The following ATP10A variants were observed in gnomAD, a reference collection of about 807,000 sequenced individuals.
ATP10A encodes phospholipid-transporting ATPase VA.
A neutral mutation model predicts 147.8 loss-of-function variants in ATP10A; 111 were observed. The observed-to-expected ratio is 0.75, with a 90% CI of 0.64 to 0.88. The LOEUF (loss-of-function observed/expected upper bound fraction) is 0.88. Ranked by LOEUF, ATP10A falls within the 40% of genes least tolerant of loss-of-function variation. The pLI is 0.00. For synonymous variants in ATP10A, 875 were observed against 841.6 expected (o/e 1.04, Z -0.69); for missense variants, 1,927 against 1,959.0 (o/e 0.98, Z 0.31).
chr15:25,833,665 T>A (rs890905303), intron 1 of ATP10A, among the ~76,000 whole-genome samples: 8 of 152,184 alleles, frequency 5.3e-5, no homozygotes, highest in African/African-American at 1.9e-4. Flanking sequence ...TGGACTTAAT[T>A]TTTTTGTGCT....
chr15:25,777,789 T>TG (rs1426603713), intron 2 of ATP10A, among the ~76,000 whole-genome samples: 1 of 150,030 alleles, frequency 6.7e-6, no homozygotes, highest in Admixed American at 6.6e-5. Flanking sequence ...TTTCTTTTTT[T>TG]TTTTTTGAGA....
At chr15:25,683,221 T>C (rs918236595) in intron 17 of ATP10A, 65 bp downstream of exon 17, 8 of 1,500,690 alleles carry the variant, frequency 5.3e-6, no homozygotes, top group Non-Finnish European at 7.4e-6. Context: ...GACTGGCACT[T>C]TGGAAGAGTG....
intron 2 of ATP10A, among the ~76,000 whole-genome samples, chr15:25,744,350 ATGTG>A (rs1201585701): frequency 6.6e-6 from 1 of 152,158 alleles, no homozygotes; most frequent in Non-Finnish European, 1.5e-5. Flanking sequence ...GTGCACATGT[ATGTG>A]TGTGTGCATG....
At chr15:25,783,430 C>G (rs186614986) in intron 1 of ATP10A, among the ~76,000 whole-genome samples, 12 of 151,634 alleles carry the variant, frequency 7.9e-5, no homozygotes, top group African/African-American at 2.9e-4. Flanking sequence ...GGAAGCCACA[C>G]GCCAATTTTC....
chr15:25,803,829 G>A (rs4906776), intron 1 of ATP10A, among the ~76,000 whole-genome samples: 40,961 of 152,118 alleles, frequency 0.27, 6,505 homozygotes, highest in African/African-American at 0.44. Flanking sequence ...ACCGGGAGCC[G>A]CTGCTGCCCT....
chr15:25,799,893 C>T (rs1462653680), intron 1 of ATP10A, among the ~76,000 whole-genome samples: 1 of 152,204 alleles, frequency 6.6e-6, no homozygotes, highest in Non-Finnish European at 1.5e-5. Flanking sequence ...CAATGTATCT[C>T]TTCCTGGCCA....
intron 1 of ATP10A, among the ~76,000 whole-genome samples, chr15:25,812,527 G>A (rs2140821505): frequency 6.6e-6 from 1 of 152,336 alleles, no homozygotes; most frequent in East Asian, 1.9e-4. Context: ...TTGTTCCTGA[G>A]CTGGTAAGAA....
Position 25,713,796 on chromosome 15 carries a change from C to A in ATP10A, c.2222G>T (p.Gly741Val). 6.2e-7 allele frequency: 1 copy of A among 1,614,134 alleles called. No homozygotes were observed. The highest frequency in any genetic ancestry group is 8.5e-7 in the Non-Finnish European group (1 of 1,180,036). Reference sequence around the variant, plus strand: ...CATCCTCTTGCGGACGGAATCGAAACCCAGTGTGTGCAGGAGCTCGAAGGT... The same window carrying A: ...CATCCTCTTGCGGACGGAATCGAAAACCAGTGTGTGCAGGAGCTCGAAGGT... ...RLTFELLHTL[G>V]FDSVRKRMSV... Residue 741 changes from glycine (G) to valine (V), a missense_variant, in exon 10 of 21, where the codon GGT becomes GTT. Gly to Val is a moderately radical substitution (Grantham distance 109). Coordinates refer to ENST00000555815, the MANE Select transcript of ATP10A (RefSeq NM_024490.4).
intron 2 of ATP10A, among the ~76,000 whole-genome samples, chr15:25,756,712 A>G (rs1253951275): frequency 6.6e-6 from 1 of 152,248 alleles, no homozygotes; most frequent in Non-Finnish European, 1.5e-5. Flanking sequence ...TCTGAAAGAA[A>G]CAGAACAACT....
rs768848858 is a variant in ATP10A at position 25,721,634 on chromosome 15, G to A, written c.1363+23C>T. ...AGCTTTCTGGTTCAGCCTGGGTTGGGAGCCCCGCACCCCCAGACTCACCAT... is the reference window on the plus strand; with the variant it reads ...AGCTTTCTGGTTCAGCCTGGGTTGGAAGCCCCGCACCCCCAGACTCACCAT... On this transcript the variant is annotated intron_variant, in intron 7 of 20. Transcript: ENST00000555815. The A allele has an allele frequency of 4.4e-6, 7 of 1,603,684 alleles. No individual in the cohort carries two copies. In the Admixed American group the frequency reaches 1.0e-4, roughly 23 times the overall value.
intron 1 of ATP10A, among the ~76,000 whole-genome samples, chr15:25,785,121 G>A (rs559374439): frequency 1.4e-4 from 21 of 152,200 alleles, no homozygotes; most frequent in Non-Finnish European, 1.9e-4. Context: ...CACCCGGCAA[G>A]GAGCCTGGGC....
chr15:25,776,177 AT>A (rs1889596029), intron 2 of ATP10A, among the ~76,000 whole-genome samples: 1 of 152,242 alleles, frequency 6.6e-6, no homozygotes, highest in Admixed American at 6.5e-5. Context: ...TTCTGCAGAA[AT>A]GACAAATGTT....
intron 1 of ATP10A, among the ~76,000 whole-genome samples, chr15:25,807,211 A>C (rs12441479): frequency 0.54 from 81,895 of 152,040 alleles, 23,363 homozygotes; most frequent in East Asian, 0.8. Flanking sequence ...CCACTCTCCT[A>C]CCTGGAGCAC....
chr15:25,801,753 G>A (rs1204539691), intron 1 of ATP10A, among the ~76,000 whole-genome samples: 1 of 152,224 alleles, frequency 6.6e-6, no homozygotes, highest in African/African-American at 2.4e-5. Flanking sequence ...TGCTGGGCAG[G>A]AATGGCATCA....
chr15:25,825,038 AAAC>A (rs1456212927), intron 1 of ATP10A, among the ~76,000 whole-genome samples: 1 of 152,174 alleles, frequency 6.6e-6, no homozygotes. Flanking sequence ...AAACAAAACA[AAAC>A]AAGAAACCAG....
At chr15:25,680,021 GT>G in intron 20 of ATP10A, 47 bp from the exon 21 acceptor site, 1 of 1,580,446 alleles carries the variant, frequency 6.3e-7, no homozygotes, top group Non-Finnish European at 8.6e-7. Flanking sequence ...CCTGTCGGTG[GT>G]GTCTTTGAGC....
At chr15:25,829,544 C>A (rs558677577) in intron 1 of ATP10A, among the ~76,000 whole-genome samples, 1 of 152,066 alleles carries the variant, frequency 6.6e-6, no homozygotes, top group Non-Finnish European at 1.5e-5. Flanking sequence ...CATTCTAATG[C>A]GGAGGAGGGT....
intron 10 of ATP10A, chr15:25,708,579 C>T (rs529508610): frequency 1.3e-5 from 5 of 383,532 alleles, no homozygotes; most frequent in African/African-American, 2.1e-5. Flanking sequence ...CCTCGGCCTC[C>T]GAAAGTACTG....
chr15:25,854,122 G>A (rs752827417), intron 1 of ATP10A, among the ~76,000 whole-genome samples: 16 of 152,094 alleles, frequency 1.1e-4, no homozygotes, highest in Non-Finnish European at 1.5e-5. Flanking sequence ...GAAGTGGTTG[G>A]TTCTAGAGCT....
Sources: gnomAD v4.1 joint callset for allele counts (sites outside exome capture counted in the v4.1 genomes callset) on GRCh38, gnomAD v4.1.1 for gene constraint, MANE v1.5 for transcripts, NCBI Gene and HGNC (gene_info 2026-07-23, HGNC 2026-07-21) for gene names.